Variants in FNDC1 observed in about 807,000 individuals in gnomAD.
FNDC1 encodes the protein fibronectin type III domain-containing protein 1.
FNDC1 carries 96 observed loss-of-function variants against 168.0 expected under a neutral mutation model. That is an observed-to-expected ratio of 0.57 (90% CI 0.48 to 0.68). FNDC1 has a LOEUF of 0.68. FNDC1 is among the 30% of genes least tolerant of loss of function. The pLI is 0.00. For missense variants in FNDC1, 2,587 were observed against 2,482.1 expected, an observed-to-expected ratio of 1.04 and a Z score of -0.90; for synonymous variants, 1,099 against 1,025.9, an observed-to-expected ratio of 1.07 and a Z score of -1.36.
In FNDC1 at chr6:159,264,980, C is replaced by A; in HGVS notation, c.5260C>A (p.Pro1754Thr). 6.2e-7 allele frequency: 1 copy of A among 1,604,908 alleles called. No homozygotes were observed. The highest frequency in any genetic ancestry group is 8.5e-7 in the Non-Finnish European group (1 of 1,174,930). ...ATTTCTTTTTCATTCTACAGATAAT[C>A]CTCTGCTTGTTGTGAGGCCCCCAGG... ...SVSFVTESDNPLLVVRPPGGE... is the reference protein window; with the variant it reads ...SVSFVTESDNTLLVVRPPGGE... Residue 1754 changes from proline to threonine, a missense_variant, in exon 20 of 23, where the codon CCT (proline) becomes ACT (threonine). Pro to Thr is a conservative substitution (Grantham distance 38). Transcript: ENST00000297267.
chr6:159,199,927 G>T (rs1207657048), intron 2 of FNDC1, 69 bp from the exon 3 acceptor site: 6 of 1,322,504 alleles, frequency 4.5e-6, no homozygotes, highest in Non-Finnish European at 6.4e-6. Context: ...GTTATGCATG[G>T]TTAGTGAGTG....
chr6:159,230,256 G>A (rs1382395150), intron 10 of FNDC1, among the ~76,000 whole-genome samples: 1 of 152,126 alleles, frequency 6.6e-6, no homozygotes, highest in Admixed American at 6.5e-5. Context: ...TAATTAATCT[G>A]ACATCATTAT....
chr6:159,267,495 T>C lies in FNDC1; in HGVS notation c.5447-309T>C, dbSNP rs556968965. Among the ~76,000 whole-genome samples, 185 of 152,058 alleles carry C rather than the reference T, an allele frequency of 1.2e-3. 1 individual carries two copies. Among genetic ancestry groups the C allele is most frequent in the African/African-American group, 4.4e-3 (180 of 41,316 alleles). On this transcript the variant is annotated intron_variant, in intron 21 of 22. Transcript: ENST00000297267. The stretch of plus-strand genomic sequence containing the variant: ...GATGTATTCTCCAACTATCATAGTT[T>C]TCATCATTCCTTTTTTTTTTAGAAC...
At chr6:159,227,698 A>G (rs1214833202) in intron 9 of FNDC1, among the ~76,000 whole-genome samples, 1 of 146,548 alleles carries the variant, frequency 6.8e-6, no homozygotes, top group Non-Finnish European at 1.5e-5. Flanking sequence ...GAAAAATATT[A>G]ATTTGGTCCC....
intron 1 of FNDC1, among the ~76,000 whole-genome samples, chr6:159,194,141 C>T (rs1782194557): frequency 6.6e-6 from 1 of 152,168 alleles, no homozygotes; most frequent in African/African-American, 2.4e-5. Context: ...TGAGGAAGGA[C>T]ACAGACAGGA....
chr6:159,208,554 CA>C (rs572455600), intron 4 of FNDC1, among the ~76,000 whole-genome samples: 76 of 152,342 alleles, frequency 5.0e-4, no homozygotes, highest in African/African-American at 1.8e-3. Flanking sequence ...TGGCATTCGG[CA>C]GCCCAGCACA....
chr6:159,212,390 T>C (rs1273820462), intron 4 of FNDC1, among the ~76,000 whole-genome samples: 2 of 152,264 alleles, frequency 1.3e-5, no homozygotes, highest in East Asian at 3.8e-4. Context: ...TTAAATAGTT[T>C]AATTGCAAAT....
chr6:159,252,986 T>C (rs496831), intron 17 of FNDC1, among the ~76,000 whole-genome samples: 96,232 of 152,004 alleles, frequency 0.63, 31,987 homozygotes, highest in Middle Eastern at 0.75. Flanking sequence ...CAAATGTCTC[T>C]GAGACTTAAT....
chr6:159,253,981 C>T (rs1026558275), intron 17 of FNDC1, among the ~76,000 whole-genome samples: 5 of 152,148 alleles, frequency 3.3e-5, no homozygotes, highest in African/African-American at 4.8e-5. Flanking sequence ...CTGTGCCAGA[C>T]GGGAAATGCC....
intron 1 of FNDC1, among the ~76,000 whole-genome samples, chr6:159,187,770 C>A (rs569415149): frequency 3.9e-5 from 6 of 152,150 alleles, no homozygotes; most frequent in Admixed American, 3.9e-4. Flanking sequence ...AAAATTTGGT[C>A]AGTCATTTGA....
chr6:159,267,488 CAT>C (rs1562314782), intron 21 of FNDC1, among the ~76,000 whole-genome samples: 4 of 151,946 alleles, frequency 2.6e-5, no homozygotes. Flanking sequence ...CTCCAACTAT[CAT>C]AGTTTTCATC....
chr6:159,197,189 TCC>T (rs1782261318), intron 1 of FNDC1, among the ~76,000 whole-genome samples: 1 of 152,240 alleles, frequency 6.6e-6, no homozygotes, highest in Admixed American at 6.5e-5. Context: ...TTGATTTATT[TCC>T]CTTTTGGTTT....
intron 9 of FNDC1, among the ~76,000 whole-genome samples, chr6:159,228,922 C>T (rs1049782228): frequency 2.6e-5 from 4 of 152,136 alleles, no homozygotes; most frequent in African/African-American, 9.7e-5. Flanking sequence ...GTCATCTGCC[C>T]GCCTTAGCCT....
Position 159,213,704 on chromosome 6 carries a change from A to C in FNDC1, c.461-1241A>C, listed in dbSNP as rs572523104. The stretch of plus-strand genomic sequence containing the variant: ...GACTATACTTTTGGACTAAAAACAA[A>C]AAAAAAAAAACCTTTAAAACAATTA... On this transcript the variant is annotated intron_variant, in intron 4 of 22. Transcript: ENST00000297267. 1.3e-3 allele frequency among the ~76,000 whole-genome samples: 190 copies of C among 148,086 alleles called. No individual in the cohort carries two copies. In the South Asian group the frequency reaches 0.016, roughly 12 times the overall value.
At position 159,266,245 on chromosome 6, in the gene FNDC1, G is replaced by A. The variant is rs1170889652; in HGVS notation, c.5446G>A (p.Asp1816Asn). 5 of 1,613,844 alleles carry A rather than the reference G, an allele frequency of 3.1e-6. No individual in the cohort carries two copies. Among genetic ancestry groups the A allele is most frequent in the Non-Finnish European group, 4.2e-6 (5 of 1,179,780 alleles). The part of the protein sequence containing the change: ...YKIYLSDNLK[D>N]TFYSIGDSWG... ...AATCTACCTCAGTGACAACCTGAAA[G>A]GTAAGTCTTTGTGCATGGTTGGCTA... is the stretch of plus-strand genomic sequence containing the variant. Residue 1816 changes from aspartate to asparagine, a missense_variant and splice_region_variant, in exon 21 of 23, where the codon GAT (aspartate) becomes AAT (asparagine). Asp to Asn is a conservative substitution (Grantham distance 23). Transcript: ENST00000297267.
In FNDC1 at chr6:159,249,103, G is replaced by A. The variant is rs779786083; in HGVS notation, c.4755G>A (p.Pro1585=). 3.9e-5 allele frequency: 62 copies of A among 1,608,490 alleles called. No individual in the cohort carries two copies. In the Admixed American group the frequency reaches 7.2e-4, roughly 19 times the overall value. The part of the protein sequence containing the change: ...TTEPSTTATT[P]RVIPEEGAIS... ...AGCCTTCGACCACTGCTACCACACCGAGGGTGATCCCAGAGGAAGGCGCCA... is the reference window on the plus strand; with the variant it reads ...AGCCTTCGACCACTGCTACCACACCAAGGGTGATCCCAGAGGAAGGCGCCA... The change falls in exon 16 of 23, where the codon CCG becomes CCA. Residue 1585 remains proline, a synonymous_variant. Coordinates refer to ENST00000297267, the MANE Select transcript of FNDC1 (RefSeq NM_032532.3).
rs1368542459 is a variant in FNDC1 at position 159,271,375 on chromosome 6, G to T, written c.5618G>T (p.Gly1873Val). The change falls in exon 23 of 23, where the codon GGC (glycine) becomes GTC (valine). Residue 1873 changes from glycine to valine, a missense_variant. By Grantham distance (109) the Gly-to-Val change is moderately radical (BLOSUM62 -3). Coordinates refer to ENST00000297267, the MANE Select transcript of FNDC1 (RefSeq NM_032532.3). Reference protein sequence around the residue: ...RQEPVRFGNIGFGTPYYYVGW... With the variant: ...RQEPVRFGNIVFGTPYYYVGW... ...GAGCCTGTCAGGTTTGGGAACATCG[G>T]CTTCGGAACCCCCTACTACTATGTG... The T allele has an allele frequency of 6.2e-7, 1 of 1,612,694 alleles. No individual in the cohort carries two copies. Among genetic ancestry groups the T allele is most frequent in the Non-Finnish European group, 8.5e-7 (1 of 1,179,444 alleles).
rs1783379426 is a variant in FNDC1 at position 159,239,910 on chromosome 6, A to C, written c.4574A>C (p.Asn1525Thr). 1 of 1,522,282 alleles carries C rather than the reference A, an allele frequency of 6.6e-7. No homozygotes were observed. Among genetic ancestry groups the C allele is most frequent in the African/African-American group, 1.4e-5 (1 of 72,312 alleles). 94.3% of individuals were successfully genotyped at this position (1,522,282 alleles called of 1,614,324 possible). A position where few individuals can be genotyped will look rare whatever the true frequency, so the allele number is the denominator to read the frequency against. Residue 1525 changes from asparagine to threonine, a missense_variant, in exon 14 of 23, where the codon AAC becomes ACC. Coordinates refer to ENST00000297267, the MANE Select transcript of FNDC1 (RefSeq NM_032532.3). ...TTGGAACGGCACGACGATGATGGCA[A>C]CCTGATAATGAGCTCCAATGGGATC... ...GTLERHDDDG[N>T]LIMSSNGIPE...
chr6:159,251,438 TGCTCCCCGCAA>T lies in FNDC1; in HGVS notation c.4972_4982del (p.Ala1658HisfsTer37). On this transcript the variant is annotated frameshift_variant, in exon 17 of 23. Transcript: ENST00000297267. LOFTEE classifies it high-confidence loss of function. ...AGAAGAGTGACCTGCCTCCCCAGCA[TGCTCCCCGCAA>T]CATCACCGTGGTGGCCGTGGAAGGT... 1 of 1,613,974 alleles carries T rather than the reference TGCTCCCCGCAA, an allele frequency of 6.2e-7. No individual in the cohort carries two copies. Among genetic ancestry groups the T allele is most frequent in the Non-Finnish European group, 8.5e-7 (1 of 1,179,882 alleles).
Sources: allele counts gnomAD v4.1 joint callset (sites outside exome capture counted in the v4.1 genomes callset), GRCh38; gene constraint gnomAD v4.1.1; transcripts MANE v1.5; gene names NCBI Gene and HGNC (gene_info 2026-07-23, HGNC 2026-07-21).